Variants in TBC1D2 observed in about 807,000 individuals in gnomAD.
The protein encoded by TBC1D2 is TBC1 domain family member 2, also known as TBC1 domain family member 2A.
TBC1D2 carries 58 observed loss-of-function variants against 91.1 expected under a neutral mutation model. That is an observed-to-expected ratio of 0.64 (90% CI 0.52 to 0.79). The LOEUF (loss-of-function observed/expected upper bound fraction) is 0.79. Among genes scored for constraint, TBC1D2 ranks in the 30% least tolerant of loss-of-function variants. The probability of loss-of-function intolerance (pLI) is 0.00; values close to 1 mark genes in which losing one functional copy is unlikely to be tolerated. For synonymous variants in TBC1D2, 482 were observed against 511.5 expected, an observed-to-expected ratio of 0.94 and a Z score of 0.78; for missense variants, 1,080 against 1,208.3, an observed-to-expected ratio of 0.89 and a Z score of 1.57.
chr9:98,253,195 T>TGA (rs987129437), intron 1 of TBC1D2, among the ~76,000 whole-genome samples: 2 of 152,180 alleles, frequency 1.3e-5, no homozygotes, highest in African/African-American at 4.8e-5. Flanking sequence ...CCTTGGAACT[T>TGA]GAGAGTCTCC....
intron 2 of TBC1D2, 107 bp downstream of exon 2, chr9:98,251,678 C>A (rs1001446467): frequency 1.2e-5 from 17 of 1,423,454 alleles, no homozygotes; most frequent in African/African-American, 1.5e-5. Flanking sequence ...ATCCCTGGCT[C>A]TCTGCTTCCT....
intron 5 of TBC1D2, among the ~76,000 whole-genome samples, chr9:98,227,659 G>A (rs1167372287): frequency 2.0e-5 from 3 of 151,974 alleles, no homozygotes; most frequent in African/African-American, 7.3e-5. Context: ...GCAGGTGCTT[G>A]TAATCCCAGC....
At chr9:98,238,273 CAAT>C (rs1364796945) in intron 3 of TBC1D2, among the ~76,000 whole-genome samples, 1 of 136,522 alleles carries the variant, frequency 7.3e-6, no homozygotes. Context: ...TTTTTTTCAA[CAAT>C]GTTTGGTGTT....
chr9:98,224,721 A>G (rs1364566400), intron 5 of TBC1D2, among the ~76,000 whole-genome samples: 1 of 152,188 alleles, frequency 6.6e-6, no homozygotes, highest in Admixed American at 6.5e-5. Flanking sequence ...ATCTTTTTAG[A>G]GCATTGCTAC....
rs1301787465 is a variant in TBC1D2, at chr9:98,229,162, G to C, written c.782-14C>G. On this transcript the variant is annotated splice_polypyrimidine_tract_variant and intron_variant, in intron 4 of 12. Transcript: ENST00000465784. The stretch of plus-strand genomic sequence containing the variant: ...CTGGCTCTCTCCCTGCTCAAGAGGA[G>C]AAACGCAGAAGTTATGACTGATGAC... The C allele has an allele frequency of 6.2e-7, 1 of 1,613,136 alleles. No individual in the cohort carries two copies. The highest frequency in any genetic ancestry group is 8.5e-7 in the Non-Finnish European group (1 of 1,179,406).
chr9:98,222,261 C>A (rs1350202165), intron 5 of TBC1D2, among the ~76,000 whole-genome samples: 2 of 152,210 alleles, frequency 1.3e-5, no homozygotes, highest in Admixed American at 6.5e-5. Flanking sequence ...CTTCTTCCTG[C>A]ACAGCCTACC....
chr9:98,231,382 T>C (rs1037370540), intron 4 of TBC1D2, among the ~76,000 whole-genome samples: 1 of 151,452 alleles, frequency 6.6e-6, no homozygotes, highest in African/African-American at 2.4e-5. Flanking sequence ...TTGTACATAT[T>C]AGAAAAGATT....
chr9:98,247,833 T>G (rs1467010381), intron 2 of TBC1D2, among the ~76,000 whole-genome samples: 2 of 151,740 alleles, frequency 1.3e-5, no homozygotes, highest in Non-Finnish European at 2.9e-5. Flanking sequence ...AAAAATAAAA[T>G]TTTTTTATTT....
rs765313311 is a variant in TBC1D2, at chr9:98,251,838, G to T, written c.458C>A (p.Ala153Asp). The part of the protein sequence containing the change: ...EFHNSPPAPP[A>D]TPDAALAGNG... ...CCCAGCCAGGGCGGCATCAGGGGTG[G>T]CAGGAGGTGCCGGCGGGCTGTTGTG... Residue 153 changes from alanine (A) to aspartate (D), a missense_variant, in exon 2 of 13, where the codon GCC becomes GAC. Transcript: ENST00000465784. The T allele has an allele frequency of 2.5e-6, 4 of 1,605,170 alleles. No individual in the cohort carries two copies. The Admixed American group carries it at 6.8e-5, about 27-fold the overall frequency.
intron 6 of TBC1D2, 138 bp downstream of exon 6, chr9:98,220,695 G>T: frequency 1.8e-6 from 2 of 1,106,172 alleles, no homozygotes; most frequent in Non-Finnish European, 2.6e-6. Context: ...ATCAACATGT[G>T]TTTCTAATGT....
In TBC1D2 at chr9:98,221,160, G is replaced by A. The variant is rs1197061886; in HGVS notation, c.1047C>T (p.Tyr349=). The A allele has an allele frequency of 1.3e-6, 2 of 1,571,426 alleles. No individual in the cohort carries two copies. The highest frequency in any genetic ancestry group is 1.4e-5 in the African/African-American group (1 of 73,952). The change falls in exon 6 of 13, where the codon TAC becomes TAT. Residue 349 remains tyrosine (Y), a synonymous_variant. Transcript: ENST00000465784. ...GGTCCTTGTCCTCAGCCGCCGCCAG[G>A]TATGCGCTGGACGCCCGCTTCTCCT... ...AQQEKRASSA[Y]LAAAEDKDRL...
At chr9:98,200,189 C>T in intron 12 of TBC1D2, 64 bp downstream of exon 12, 1 of 1,599,602 alleles carries the variant, frequency 6.3e-7, no homozygotes, top group Non-Finnish European at 8.5e-7. Context: ...ATCAGCCTCC[C>T]CTCTGCTATG....
chr9:98,211,809 T>C (rs920152709), intron 7 of TBC1D2, among the ~76,000 whole-genome samples: 1 of 151,534 alleles, frequency 6.6e-6, no homozygotes, highest in African/African-American at 2.4e-5. Flanking sequence ...CCTTTTTTTT[T>C]TTTTTCCTGA....
chr9:98,230,527 G>A (rs1287743483), intron 4 of TBC1D2, among the ~76,000 whole-genome samples: 1 of 152,188 alleles, frequency 6.6e-6, no homozygotes, highest in African/African-American at 2.4e-5. Flanking sequence ...AGGGCTTTGG[G>A]GATAGGCCAA....
chr9:98,212,315 T>C (rs993806905), intron 7 of TBC1D2, among the ~76,000 whole-genome samples: 2 of 152,154 alleles, frequency 1.3e-5, no homozygotes, highest in African/African-American at 4.8e-5. Context: ...TCCCTAGCCC[T>C]GCCCCCCACC....
chr9:98,251,742 C>A (rs762649470), intron 2 of TBC1D2, 43 bp downstream of exon 2: 1 of 1,524,306 alleles, frequency 6.6e-7, no homozygotes, highest in Non-Finnish European at 8.8e-7. Flanking sequence ...GCTTAATCAC[C>A]AGAGCCCTGG....
chr9:98,220,136 G>T (rs888312442), intron 6 of TBC1D2, among the ~76,000 whole-genome samples: 7 of 152,236 alleles, frequency 4.6e-5, no homozygotes, highest in African/African-American at 1.7e-4. Flanking sequence ...AGAAGCGGCA[G>T]CTGAGCAGAC....
Position 98,249,714 on chromosome 9 carries a change from T to C in TBC1D2, c.511+2071A>G, listed in dbSNP as rs113001314. On this transcript the variant is annotated intron_variant, in intron 2 of 12. Transcript: ENST00000465784. ...TTATACTAGTAACAGCACCTATATA[T>C]GTTTGTGTATATACTATTATGATAG... 5.6e-3 allele frequency among the ~76,000 whole-genome samples: 849 copies of C among 152,314 alleles called. 14 individuals are homozygous for C. Among genetic ancestry groups the C allele is most frequent in the African/African-American group, 0.019 (807 of 41,570 alleles).
At chr9:98,226,309 G>A (rs552093333) in intron 5 of TBC1D2, among the ~76,000 whole-genome samples, 37 of 152,230 alleles carry the variant, frequency 2.4e-4, no homozygotes, top group African/African-American at 7.5e-4. Flanking sequence ...TTCCCGCCTC[G>A]TCTCTGAGCC....
Sources: gnomAD v4.1 joint callset for allele counts (sites outside exome capture counted in the v4.1 genomes callset) on GRCh38, gnomAD v4.1.1 for gene constraint, MANE v1.5 for transcripts, NCBI Gene and HGNC (gene_info 2026-07-23, HGNC 2026-07-21) for gene names.